The following SLC6A20 variants were observed in gnomAD, a reference collection of about 807,000 sequenced individuals.
SLC6A20 encodes the protein solute carrier family 6 member 20.
In SLC6A20, 73 loss-of-function variants were observed where a neutral mutation model predicts 64.3. The ratio of observed to expected loss-of-function variants is 1.14; its 90% CI spans 0.94 to 1.38. The LOEUF is 1.38. SLC6A20 is among the 40% of genes most tolerant of loss of function. The pLI, the probability that SLC6A20 is intolerant of heterozygous loss-of-function variation, is 0.00. For missense variants in SLC6A20, 725 were observed against 772.8 expected (o/e 0.94, Z 0.73); for synonymous variants, 347 against 329.6 (o/e 1.05, Z -0.57).
chr3:45,792,867 A>G (rs754427087), intron 1 of SLC6A20, among the ~76,000 whole-genome samples: 1 of 151,888 alleles, frequency 6.6e-6, no homozygotes, highest in Non-Finnish European at 1.5e-5. Flanking sequence ...ATTTACTGGG[A>G]CCCTACTGCC....
intron 1 of SLC6A20, among the ~76,000 whole-genome samples, chr3:45,795,333 T>A (rs558348604): frequency 7.7e-3 from 55 of 7,176 alleles, no homozygotes; most frequent in African/African-American, 0.062. Context: ...AAAATACAAT[T>A]TTTTTTTTGA....
At position 45,796,197 on chromosome 3, in the gene SLC6A20, G is replaced by A. The variant is rs1278405764; in HGVS notation, c.121+102C>T. ...CGGACAAATCACGCTCGCTTTCCCG[G>A]CCTCAGTGTGCCGTTCTGTAACTTG... On this transcript the variant is annotated intron_variant, in intron 1 of 10. Transcript: ENST00000358525. 4.0e-6 allele frequency: 6 copies of A among 1,501,338 alleles called. No individual in the cohort carries two copies. The East Asian group carries it at 1.0e-4, about 26-fold the overall frequency. 93.0% of individuals were successfully genotyped at this position (1,501,338 alleles called of 1,614,324 possible).
At chr3:45,760,666 TCTTTA>T (rs1169262867) in intron 9 of SLC6A20, among the ~76,000 whole-genome samples, 1 of 152,186 alleles carries the variant, frequency 6.6e-6, no homozygotes, top group Non-Finnish European at 1.5e-5. Context: ...TTTTCCCTCT[TCTTTA>T]CTTTTAAACC....
intron 9 of SLC6A20, among the ~76,000 whole-genome samples, chr3:45,760,367 T>G (rs928846830): frequency 1.3e-5 from 2 of 152,222 alleles, no homozygotes; most frequent in African/African-American, 2.4e-5. Flanking sequence ...GATGGACATT[T>G]GTCAGGCTGG....
intron 1 of SLC6A20, among the ~76,000 whole-genome samples, chr3:45,785,613 T>TCTCTCTCTCTCTCTCTCTCTC (rs1700157049): frequency 1.4e-5 from 2 of 141,016 alleles, no homozygotes; most frequent in South Asian, 2.5e-4. Context: ...AAACTCCCCT[T>TCTCTCTCTCTCTCTCTCTCTC]TCTCTCTCTC....
rs1256987170 is a variant in SLC6A20 at position 45,759,252 on chromosome 3, C to T, written c.1630-125G>A. 4 of 1,006,414 alleles carry T rather than the reference C, an allele frequency of 4.0e-6. 1 individual carries two copies. In the Middle Eastern group the frequency reaches 1.0e-3, roughly 253 times the overall value. The allele number at this position is 1,006,414 out of a possible 1,614,324, so 62.3% of individuals were successfully genotyped here. On this transcript the variant is annotated intron_variant, in intron 10 of 10. Transcript: ENST00000358525. ...AGAGCATGTGGGGCCGGTGTCCTCA[C>T]TCCTGGGGCCACGGGCTCTGCAATT... is the stretch of plus-strand genomic sequence containing the variant.
In SLC6A20 at chr3:45,759,872, G is replaced by A. The variant is rs372935836; in HGVS notation, c.1614C>T (p.Ala538=). 9.9e-6 allele frequency: 16 copies of A among 1,613,750 alleles called. No individual in the cohort carries two copies. The African/African-American group carries it at 2.0e-4, about 20-fold the overall frequency. The change falls in exon 10 of 11, where the codon GCC becomes GCT. Residue 538 remains alanine (A), a synonymous_variant. Transcript: ENST00000358525. ...CAGTAGATACCTGGGAGGCGTCCCA[G>A]GCTTGATACTTCAGGGTCCCCGTGA... is the stretch of plus-strand genomic sequence containing the variant. ...YILTGTLKYQ[A]WDASQGQLVT...
In SLC6A20 at chr3:45,796,341, T is replaced by A. The variant is rs371272274; in HGVS notation, c.79A>T (p.Asn27Tyr). 1 of 1,612,254 alleles carries A rather than the reference T, an allele frequency of 6.2e-7. No homozygotes were observed. Among genetic ancestry groups the A allele is most frequent in the Non-Finnish European group, 8.5e-7 (1 of 1,179,506 alleles). ...ACISYAVGLG[N>Y]VWRFPYLCQM... Reference sequence around the variant, plus strand: ...CACAGGTACGGGAATCGCCACACGTTGCCCAGGCCCACGGCGTACGAGATG... The same window carrying A: ...CACAGGTACGGGAATCGCCACACGTAGCCCAGGCCCACGGCGTACGAGATG... Residue 27 changes from asparagine to tyrosine, a missense_variant, in exon 1 of 11, where the codon AAC becomes TAC. Transcript: ENST00000358525.
intron 2 of SLC6A20, among the ~76,000 whole-genome samples, chr3:45,781,761 T>C (rs1007813382): frequency 6.6e-6 from 1 of 152,104 alleles, no homozygotes; most frequent in Non-Finnish European, 1.5e-5. Context: ...TCCAGAATGG[T>C]TGTTAGCTAG....
chr3:45,788,082 G>A (rs1700198281), intron 1 of SLC6A20, among the ~76,000 whole-genome samples: 1 of 152,048 alleles, frequency 6.6e-6, no homozygotes, highest in African/African-American at 2.4e-5. Flanking sequence ...GAGTGGCTGG[G>A]CCCAAAGGCA....
chr3:45,771,639 A>G, intron 5 of SLC6A20, 181 bp from the exon 6 acceptor site: 1 of 909,860 alleles, frequency 1.1e-6, no homozygotes, highest in Non-Finnish European at 1.6e-6. Flanking sequence ...CAGATGAAAC[A>G]CACACCTCAA....
At chr3:45,773,023 C>T (rs1699902613) in intron 4 of SLC6A20, among the ~76,000 whole-genome samples, 1 of 152,062 alleles carries the variant, frequency 6.6e-6, no homozygotes, top group African/African-American at 2.4e-5. Flanking sequence ...AATGAGCCCA[C>T]AGGAAAAAGC....
At chr3:45,761,188 T>C (rs1394768037) in intron 9 of SLC6A20, among the ~76,000 whole-genome samples, 2 of 152,000 alleles carry the variant, frequency 1.3e-5, no homozygotes, top group Non-Finnish European at 2.9e-5. Flanking sequence ...GGTGAAAAAG[T>C]GTTGGGGGTC....
At chr3:45,783,723 C>G (rs912941808) in intron 1 of SLC6A20, among the ~76,000 whole-genome samples, 9 of 152,260 alleles carry the variant, frequency 5.9e-5, no homozygotes, top group Admixed American at 1.3e-4. Context: ...GCATGAGCCG[C>G]TTGCATGGGT....
intron 4 of SLC6A20, 86 bp downstream of exon 4, chr3:45,775,675 C>G: frequency 1.5e-6 from 2 of 1,338,086 alleles, no homozygotes; most frequent in South Asian, 2.7e-5. Context: ...CTTGGCATTG[C>G]CTAGGGTTGG....
Position 45,758,920 on chromosome 3 carries a change from G to A in SLC6A20, c.*58C>T. 1 of 1,521,092 alleles carries A rather than the reference G, an allele frequency of 6.6e-7. No individual in the cohort carries two copies. Among genetic ancestry groups the A allele is most frequent in the Non-Finnish European group, 8.8e-7 (1 of 1,133,838 alleles). The allele number at this position is 1,521,092 out of a possible 1,614,324, so 94.2% of individuals were successfully genotyped here. Reference sequence around the variant, plus strand: ...CTTAAGCATTTGAAAAAGCAGCCGAGGAGTTTCCGCCTGTAAATAGTATCT... The same window carrying A: ...CTTAAGCATTTGAAAAAGCAGCCGAAGAGTTTCCGCCTGTAAATAGTATCT... On this transcript the variant is annotated 3_prime_UTR_variant, in exon 11 of 11. Transcript: ENST00000358525.
intron 1 of SLC6A20, among the ~76,000 whole-genome samples, chr3:45,794,465 A>G (rs1332765339): frequency 6.6e-6 from 1 of 152,100 alleles, no homozygotes; most frequent in Non-Finnish European, 1.5e-5. Context: ...CCACCAATCC[A>G]TGCTCCGTCC....
rs115590082 is a variant in SLC6A20 at position 45,777,451 on chromosome 3, G to A, written c.355-1463C>T. ...ATGTGCACATTTCTCCCATCCAGAA[G>A]TGGTGTCTCTTGCCTCAGCCTGTGA... On this transcript the variant is annotated intron_variant, in intron 3 of 10. Coordinates refer to ENST00000358525, the MANE Select transcript of SLC6A20 (RefSeq NM_020208.4). Among the ~76,000 whole-genome samples, 1,053 of 152,340 alleles carry A rather than the reference G, an allele frequency of 6.9e-3. 9 individuals are homozygous for A. The highest frequency in any genetic ancestry group is 0.022 in the African/African-American group (921 of 41,574).
intron 9 of SLC6A20, among the ~76,000 whole-genome samples, chr3:45,760,296 TGAAGGCTG>T (rs1699647673): frequency 6.6e-6 from 1 of 152,190 alleles, no homozygotes; most frequent in Non-Finnish European, 1.5e-5. Context: ...AGCCTTCAGA[TGAAGGCTG>T]CTGGCATAGC....
Sources: allele counts gnomAD v4.1 joint callset (sites outside exome capture counted in the v4.1 genomes callset), GRCh38; gene constraint gnomAD v4.1.1; transcripts MANE v1.5; gene names NCBI Gene and HGNC (gene_info 2026-07-23, HGNC 2026-07-21).